Variants in SNX19 observed in about 807,000 individuals in gnomAD.
SNX19 encodes sorting nexin 19, also known as sorting nexin-19.
Under a neutral mutation model 85.2 loss-of-function variants are expected in SNX19, and 60 were observed. The observed-to-expected ratio is 0.70, with a 90% confidence interval of 0.57 to 0.87. The LOEUF (loss-of-function observed/expected upper bound fraction) is 0.87. Ranked by LOEUF, SNX19 falls within the 40% of genes least tolerant of loss-of-function variation. The probability of loss-of-function intolerance (pLI) is 0.00; values close to 1 mark genes in which losing one functional copy is unlikely to be tolerated. For synonymous variants in SNX19, 520 were observed against 470.0 expected (o/e 1.11, Z -1.38); for missense variants, 1,201 against 1,217.8 (o/e 0.99, Z 0.21).
intron 8 of SNX19, among the ~76,000 whole-genome samples, chr11:130,889,713 A>G (rs1259535521): frequency 2.0e-5 from 3 of 151,908 alleles, no homozygotes; most frequent in African/African-American, 7.3e-5. Context: ...TTTTTTGTCA[A>G]TGTCTTACTC....
At position 130,914,736 on chromosome 11, in the gene SNX19, G is replaced by A; in HGVS notation, c.1204C>T (p.Leu402=). 1.2e-6 allele frequency: 2 copies of A among 1,614,106 alleles called. No individual in the cohort carries two copies. The highest frequency in any genetic ancestry group is 1.7e-6 in the Non-Finnish European group (2 of 1,180,018). Residue 402 remains leucine, a synonymous_variant, in exon 1 of 11, where the codon CTG becomes TTG. Transcript: ENST00000265909. ...SFLSDRIQDA[L]CALESSQALE... Reference sequence around the variant, plus strand: ...GCCTGGGAACTCTCTAGGGCACACAGGGCATCCTGAATCCTGTCAGAGAGA... The same window carrying A: ...GCCTGGGAACTCTCTAGGGCACACAAGGCATCCTGAATCCTGTCAGAGAGA...
intron 8 of SNX19, among the ~76,000 whole-genome samples, chr11:130,884,928 C>T (rs1275587572): frequency 6.6e-6 from 1 of 151,322 alleles, no homozygotes; most frequent in African/African-American, 2.4e-5. Context: ...AATACAAATG[C>T]TCTTGTTCAT....
intron 4 of SNX19, among the ~76,000 whole-genome samples, chr11:130,909,095 T>C (rs11222384): frequency 0.16 from 24,219 of 152,220 alleles, 2,210 homozygotes; most frequent in Middle Eastern, 0.25. Context: ...ATCACAGAAC[T>C]GTAGTCTGTG....
chr11:130,910,661 C>A (rs1474955136), intron 2 of SNX19, among the ~76,000 whole-genome samples: 3 of 152,114 alleles, frequency 2.0e-5, no homozygotes, highest in Non-Finnish European at 4.4e-5. Flanking sequence ...TTCTCTTCTA[C>A]AAGATGAGGA....
chr11:130,907,967 GC>G lies in SNX19; in HGVS notation c.2150del (p.Gly717AlafsTer9), dbSNP rs1945802401. ...GGGCTTCTCACTTGCTAGCCTTCTTGCCTTCTGTCTGGGGCTTGCTTTCGGT... is the reference window on the plus strand; with the variant it reads ...GGGCTTCTCACTTGCTAGCCTTCTTGCTTCTGTCTGGGGCTTGCTTTCGGT... ...AETESKPQTE[G>X]KKASKSRLRF... On this transcript the variant is annotated frameshift_variant, in exon 5 of 11. Coordinates refer to ENST00000265909, the MANE Select transcript of SNX19 (RefSeq NM_014758.3). LOFTEE classifies it high-confidence loss of function. 9 of 1,613,930 alleles carry G rather than the reference GC, an allele frequency of 5.6e-6. No homozygotes were observed. Among genetic ancestry groups the G allele is most frequent in the Non-Finnish European group, 7.6e-6 (9 of 1,180,032 alleles).
rs765233642 is a variant in SNX19 at position 130,877,685 on chromosome 11, T to C, written c.*737A>G. The C allele has an allele frequency of 6.6e-6, 1 of 152,560 alleles. No homozygotes were observed. Among genetic ancestry groups the C allele is most frequent in the Non-Finnish European group, 1.5e-5 (1 of 68,040 alleles). 9.5% of individuals were successfully genotyped at this position (152,560 alleles called of 1,614,324 possible). A position where few individuals can be genotyped will look rare whatever the true frequency, so the allele number is the denominator to read the frequency against. On this transcript the variant is annotated 3_prime_UTR_variant, in exon 11 of 11. Transcript: ENST00000265909. ...AAGCCAATAAATAAAATGGGTGGTA[T>C]AAATGCCTTTCAGGAAAGGGTGTGA...
rs1946144982 is a variant in SNX19, at chr11:130,911,722, G to A, written c.1724C>T (p.Ala575Val). Reference sequence around the variant, plus strand: ...ATAGCGACGATTCACAGTGTGGTAGGCCAGCTGCTGCAGGCCGCTGCTGTT... The same window carrying A: ...ATAGCGACGATTCACAGTGTGGTAGACCAGCTGCTGCAGGCCGCTGCTGTT... ...GENSSGLQQL[A>V]YHTVNRRYRE... Residue 575 changes from alanine to valine, a missense_variant, in exon 2 of 11, where the codon GCC (alanine) becomes GTC (valine). This residue lies in a region of SNX19 where 791 missense variants were observed against 750.9 expected (regional missense o/e 1.05). Coordinates refer to ENST00000265909, the MANE Select transcript of SNX19 (RefSeq NM_014758.3). 6.2e-7 allele frequency: 1 copy of A among 1,614,206 alleles called. No homozygotes were observed. Among genetic ancestry groups the A allele is most frequent in the Admixed American group, 1.7e-5 (1 of 60,032 alleles).
At chr11:130,903,692 T>C (rs969615914) in intron 7 of SNX19, among the ~76,000 whole-genome samples, 3 of 138,468 alleles carry the variant, frequency 2.2e-5, no homozygotes, top group African/African-American at 8.1e-5. Flanking sequence ...TGTGTGTATA[T>C]ATACATATAT....
Position 130,910,298 on chromosome 11 carries a change from C to G in SNX19, c.1886G>C (p.Arg629Pro), listed in dbSNP as rs750642764. The change falls in exon 3 of 11, where the codon CGT becomes CCT. Residue 629 changes from arginine (R) to proline (P), a missense_variant. Physicochemically the swap from Arg to Pro is moderately radical, Grantham distance 103. Transcript: ENST00000265909. ...TAGGAATGATTCTAGGAGGCTCTTACGGGCTTCTACTCTGTCACTGTCCAT... is the reference window on the plus strand; with the variant it reads ...TAGGAATGATTCTAGGAGGCTCTTAGGGGCTTCTACTCTGTCACTGTCCAT... ...GNMDSDRVEA[R>P]KSLLESFLKQ... 1.9e-6 allele frequency: 3 copies of G among 1,613,232 alleles called. No individual in the cohort carries two copies.
At chr11:130,881,880 T>C (rs1312760214) in intron 8 of SNX19, among the ~76,000 whole-genome samples, 4 of 152,234 alleles carry the variant, frequency 2.6e-5, no homozygotes, top group Admixed American at 2.6e-4. Context: ...CTTCTTCAAC[T>C]AAATTATAAG....
Position 130,906,612 on chromosome 11 carries a change from T to G in SNX19, c.2262+13A>C, listed in dbSNP as rs1278210719. On this transcript the variant is annotated intron_variant, in intron 6 of 10. Coordinates refer to ENST00000265909, the MANE Select transcript of SNX19 (RefSeq NM_014758.3). The stretch of plus-strand genomic sequence containing the variant: ...ATATTTTTGCCTCACATTCTCTGGG[T>G]TTTGGTTCTTACCACATTGCCTTCC... 13 of 1,587,756 alleles carry G rather than the reference T, an allele frequency of 8.2e-6. No homozygotes were observed. Among genetic ancestry groups the G allele is most frequent in the African/African-American group, 1.3e-5 (1 of 74,502 alleles).
At position 130,868,456 on chromosome 11, in the gene SNX19, G is replaced by A. The variant is rs1428165968; in HGVS notation, c.*9966C>T. On this transcript the variant is annotated 3_prime_UTR_variant, in exon 11 of 11. Coordinates refer to ENST00000265909, the MANE Select transcript of SNX19 (RefSeq NM_014758.3). ...CAACCAAGAGGCTACAGCTGGATAT[G>A]TGCTTATGAGATGGGTCATAGTTAA... 2 of 152,168 alleles carry A rather than the reference G, an allele frequency of 1.3e-5. No individual in the cohort carries two copies. The highest frequency in any genetic ancestry group is 4.8e-5 in the African/African-American group (2 of 41,428). 9.4% of individuals were successfully genotyped at this position (152,168 alleles called of 1,614,324 possible). A position where few individuals can be genotyped will look rare whatever the true frequency, so the allele number is the denominator to read the frequency against.
intron 7 of SNX19, among the ~76,000 whole-genome samples, chr11:130,904,613 T>G (rs2135385694): frequency 6.6e-6 from 1 of 151,234 alleles, no homozygotes; most frequent in African/African-American, 2.4e-5. Flanking sequence ...TGCCACCATG[T>G]GGTAACAATT....
intron 8 of SNX19, among the ~76,000 whole-genome samples, chr11:130,895,742 T>A (rs6590530): frequency 0.64 from 96,731 of 152,146 alleles, 31,032 homozygotes; most frequent in South Asian, 0.8. Context: ...AATGCAATGC[T>A]CAGGCACACG....
At chr11:130,910,414 TCA>T (rs780371507) in intron 2 of SNX19, 44 bp from the exon 3 acceptor site, 1 of 1,343,438 alleles carries the variant, frequency 7.4e-7, no homozygotes, top group Non-Finnish European at 1.0e-6. Flanking sequence ...CATTTAACAT[TCA>T]CAGAGAGCTA....
Position 130,872,717 on chromosome 11 carries a change from C to CA in SNX19, c.*5704dup, listed in dbSNP as rs1943075990. ...CCCAGTGGAAAGGAAGCAGAGGGGC[C>CA]AAGTTATGGCAGAGTGCGCCCAGTT... is the stretch of plus-strand genomic sequence containing the variant. On this transcript the variant is annotated 3_prime_UTR_variant, in exon 11 of 11. Transcript: ENST00000265909. 6.6e-6 allele frequency among the ~76,000 whole-genome samples: 1 copy of CA among 152,164 alleles called. No individual in the cohort carries two copies. The highest frequency in any genetic ancestry group is 2.4e-5 in the African/African-American group (1 of 41,454).
intron 8 of SNX19, among the ~76,000 whole-genome samples, chr11:130,889,223 G>A (rs1451690021): frequency 1.3e-5 from 2 of 151,968 alleles, no homozygotes; most frequent in Non-Finnish European, 2.9e-5. Context: ...TGTTCAGTAT[G>A]TGTCCCCTCT....
chr11:130,898,210 G>A (rs895624802), intron 8 of SNX19, among the ~76,000 whole-genome samples: 4 of 151,058 alleles, frequency 2.6e-5, no homozygotes, highest in Non-Finnish European at 4.4e-5. Context: ...AGAAGTCTAT[G>A]GCGTCCAAGG....
intron 8 of SNX19, among the ~76,000 whole-genome samples, chr11:130,886,749 C>T (rs1039542709): frequency 2.0e-5 from 3 of 152,188 alleles, no homozygotes; most frequent in Non-Finnish European, 4.4e-5. Flanking sequence ...CTTCTTTTCT[C>T]TCTGATGCCG....
Sources: gnomAD v4.1 joint callset for allele counts (sites outside exome capture counted in the v4.1 genomes callset) on GRCh38, gnomAD v4.1.1 for gene constraint, gnomAD v4.1.1 regional missense constraint, MANE v1.5 for transcripts, NCBI Gene and HGNC (gene_info 2026-07-23, HGNC 2026-07-21) for gene names.